The following PPP6R2 variants were observed in gnomAD, a reference collection of about 807,000 sequenced individuals.
The protein encoded by PPP6R2 is protein phosphatase 6 regulatory subunit 2, also known as serine/threonine-protein phosphatase 6 regulatory subunit 2.
In PPP6R2, 62 loss-of-function variants were observed where a neutral mutation model predicts 100.2. The ratio of observed to expected loss-of-function variants is 0.62; its 90% CI spans 0.50 to 0.76. The LOEUF (loss-of-function observed/expected upper bound fraction) is 0.76. PPP6R2 is among the 30% of genes least tolerant of loss of function. The pLI, the probability that PPP6R2 is intolerant of heterozygous loss-of-function variation, is 0.00. For synonymous variants in PPP6R2, 525 were observed against 514.7 expected (o/e 1.02, Z -0.27); for missense variants, 1,142 against 1,276.3 (o/e 0.89, Z 1.60).
chr22:50,416,494 G>C (rs1013969986), intron 6 of PPP6R2, among the ~76,000 whole-genome samples: 4 of 151,326 alleles, frequency 2.6e-5, no homozygotes, highest in East Asian at 2.0e-4. Context: ...TTTTCTTCTT[G>C]TTGTTGTTGT....
At chr22:50,394,757 T>C (rs1038150135) in intron 3 of PPP6R2, among the ~76,000 whole-genome samples, 1 of 151,404 alleles carries the variant, frequency 6.6e-6, no homozygotes, top group Non-Finnish European at 1.5e-5. Flanking sequence ...ATACAAAAAA[T>C]TAGCCGGGCA....
intron 2 of PPP6R2, among the ~76,000 whole-genome samples, chr22:50,390,094 C>T (rs1442640695): frequency 6.8e-6 from 1 of 146,356 alleles, no homozygotes; most frequent in Non-Finnish European, 1.5e-5. Flanking sequence ...CGGGTTCAGG[C>T]GATTCTCCTG....
intron 3 of PPP6R2, among the ~76,000 whole-genome samples, chr22:50,401,624 G>A (rs546970757): frequency 4.7e-5 from 7 of 149,562 alleles, no homozygotes; most frequent in African/African-American, 1.5e-4. Flanking sequence ...CCATTCTCCC[G>A]CCTCAGCCTC....
chr22:50,410,674 C>T (rs2059621235), intron 4 of PPP6R2, among the ~76,000 whole-genome samples: 1 of 151,498 alleles, frequency 6.6e-6, no homozygotes, highest in Non-Finnish European at 1.5e-5. Flanking sequence ...TTATTTTTTT[C>T]AAGCCCATAA....
chr22:50,342,638 T>C (rs184992785), upstream of PPP6R2, among the ~76,000 whole-genome samples: 30 of 152,378 alleles, frequency 2.0e-4, no homozygotes, highest in African/African-American at 7.2e-4. Flanking sequence ...TGCTCCATGT[T>C]TTCCCAACAT....
chr22:50,354,119 A>C (rs1214646662), intron 1 of PPP6R2, among the ~76,000 whole-genome samples: 1 of 152,012 alleles, frequency 6.6e-6, no homozygotes, highest in African/African-American at 2.4e-5. Flanking sequence ...ACCGTGGCCA[A>C]CATGGTGAAA....
intron 3 of PPP6R2, among the ~76,000 whole-genome samples, chr22:50,406,421 G>A (rs1189282115): frequency 6.6e-6 from 1 of 152,208 alleles, no homozygotes; most frequent in Non-Finnish European, 1.5e-5. Context: ...ACTGAGAAAG[G>A]TTATTTAAAG....
chr22:50,388,759 C>G (rs1456599540), intron 2 of PPP6R2, among the ~76,000 whole-genome samples: 1 of 151,922 alleles, frequency 6.6e-6, no homozygotes, highest in African/African-American at 2.4e-5. Flanking sequence ...GTAGTCCCAG[C>G]TACTCAGGAG....
At chr22:50,384,159 G>A (rs2053708128) in intron 2 of PPP6R2, among the ~76,000 whole-genome samples, 1 of 152,006 alleles carries the variant, frequency 6.6e-6, no homozygotes, top group Non-Finnish European at 1.5e-5. Context: ...AATATGCCAG[G>A]TGCATTACAT....
At chr22:50,357,930 C>A (rs528233820) in intron 1 of PPP6R2, among the ~76,000 whole-genome samples, 1 of 151,506 alleles carries the variant, frequency 6.6e-6, no homozygotes, top group Admixed American at 6.6e-5. Flanking sequence ...GGCACCTGGC[C>A]CCTGGCTAAT....
At chr22:50,346,205 T>C (rs1386510365) in intron 1 of PPP6R2, among the ~76,000 whole-genome samples, 1 of 20,690 alleles carries the variant, frequency 4.8e-5, no homozygotes, top group Non-Finnish European at 7.6e-5. Context: ...CCCAAGTCAG[T>C]CACTGTCCCC....
At chr22:50,437,107 T>C (rs2064483379) in intron 15 of PPP6R2, 39 bp downstream of exon 15, 4 of 1,503,220 alleles carry the variant, frequency 2.7e-6, no homozygotes, top group Non-Finnish European at 3.6e-6. Context: ...GCCGGGCCCT[T>C]CCCGGCACCT....
intron 3 of PPP6R2, among the ~76,000 whole-genome samples, chr22:50,406,357 G>A (rs1349322746): frequency 6.6e-6 from 1 of 151,562 alleles, no homozygotes; most frequent in African/African-American, 2.4e-5. Context: ...CCTAGAGGGA[G>A]GTGAGAGACC....
chr22:50,365,552 G>T (rs1024301503), intron 1 of PPP6R2, among the ~76,000 whole-genome samples: 1 of 151,536 alleles, frequency 6.6e-6, no homozygotes, highest in Non-Finnish European at 1.5e-5. Context: ...GGTGGCGGGC[G>T]CCTGTAGTCC....
At chr22:50,340,683 C>A (rs2042362909), upstream of PPP6R2, among the ~76,000 whole-genome samples, 1 of 151,614 alleles carries the variant, frequency 6.6e-6, no homozygotes, top group Admixed American at 6.6e-5. Flanking sequence ...CAGTCAAGGT[C>A]CCAGAGGCCA....
chr22:50,426,625 A>G (rs1258972318), intron 10 of PPP6R2, among the ~76,000 whole-genome samples: 2 of 152,170 alleles, frequency 1.3e-5, no homozygotes, highest in Non-Finnish European at 2.9e-5. Context: ...ACCTGAGGTC[A>G]GGAGTTTGTG....
At chr22:50,380,375 T>G (rs1366610013) in intron 2 of PPP6R2, among the ~76,000 whole-genome samples, 2 of 150,164 alleles carry the variant, frequency 1.3e-5, no homozygotes, top group Non-Finnish European at 3.0e-5. Flanking sequence ...TGATGTTTTT[T>G]TTTTTGAGAT....
At chr22:50,422,521 C>T (rs561210566) in intron 9 of PPP6R2, 141 bp downstream of exon 9, 15 of 1,174,200 alleles carry the variant, frequency 1.3e-5, no homozygotes, top group Middle Eastern at 2.9e-4. Flanking sequence ...CCCACACCCC[C>T]ACTTGAGAAG....
intron 10 of PPP6R2, among the ~76,000 whole-genome samples, chr22:50,424,178 C>G (rs895357270): frequency 3.3e-5 from 5 of 152,200 alleles, no homozygotes; most frequent in African/African-American, 1.2e-4. Flanking sequence ...CATGAGGCTG[C>G]TCCCCTGAGA....
Sources: allele counts gnomAD v4.1 joint callset (sites outside exome capture counted in the v4.1 genomes callset), GRCh38; gene constraint gnomAD v4.1.1; transcripts MANE v1.5; gene names NCBI Gene and HGNC (gene_info 2026-07-23, HGNC 2026-07-21).